MESP1: variants seen among roughly 807,000 people sequenced by gnomAD.
The protein encoded by MESP1 is mesoderm posterior bHLH transcription factor 1, also known as mesoderm posterior protein 1.
In MESP1, 22 loss-of-function variants were observed where a neutral mutation model predicts 15.2. That is an observed-to-expected ratio of 1.45 (90% CI 1.04 to 2.07). The LOEUF is 2.07. MESP1 is among the 30% of genes most tolerant of loss of function. The pLI is 0.00. For missense variants in MESP1, 484 were observed against 411.9 expected, an observed-to-expected ratio of 1.17 and a Z score of -1.51; for synonymous variants, 216 against 192.6, an observed-to-expected ratio of 1.12 and a Z score of -1.01.
chr15:89,742,310 G>A, the MESP1 span, among the ~76,000 whole-genome samples: 3 of 152,020 alleles, frequency 2.0e-5, no homozygotes, highest in Admixed American at 1.3e-4. Flanking sequence ...ACAAATCAAA[G>A]CTATGGTCAT....
chr15:89,735,538 A>G, the MESP1 span: 2 of 1,614,196 alleles, frequency 1.2e-6, no homozygotes, highest in African/African-American at 1.3e-5. Flanking sequence ...CCCCAGTCCC[A>G]GCCTTACCTG....
At chr15:89,734,986 CTCCTTCCT>C in the MESP1 span, among the ~76,000 whole-genome samples, 21 of 149,906 alleles carry the variant, frequency 1.4e-4, no homozygotes, top group African/African-American at 4.9e-4. Flanking sequence ...CCCTCCGTCC[CTCCTTCCT>C]TCCTTCCTTC....
chr15:89,738,359 G>GC, the MESP1 span: 1 of 1,187,084 alleles, frequency 8.4e-7, no homozygotes, highest in Non-Finnish European at 1.2e-6. Flanking sequence ...GGGCGTGGTG[G>GC]CTCACGCCTG....
chr15:89,742,658 T>A, the MESP1 span, among the ~76,000 whole-genome samples: 1 of 152,154 alleles, frequency 6.6e-6, no homozygotes, highest in African/African-American at 2.4e-5. Flanking sequence ...CTCAGCCTCC[T>A]GAGTAGCTGG....
At position 89,750,303 on chromosome 15, in the gene MESP1, C is replaced by T. The variant is rs542186294; in HGVS notation, c.724-76G>A. The T allele has an allele frequency of 3.6e-4, 569 of 1,582,820 alleles. 5 individuals are homozygous for T. In the African/African-American group the frequency reaches 7.1e-3, roughly 20 times the overall value. On this transcript the variant is annotated intron_variant, in intron 1 of 1. Coordinates refer to ENST00000300057, the MANE Select transcript of MESP1 (RefSeq NM_018670.4). Reference sequence around the variant, plus strand: ...CGGGTGTCCGCGCTCGTGGGCTCCACTCTCAGGGGGCCCCTAGCGAGGGGA... The same window carrying T: ...CGGGTGTCCGCGCTCGTGGGCTCCATTCTCAGGGGGCCCCTAGCGAGGGGA...
chr15:89,732,947 G>A, the MESP1 span: 3 of 1,521,150 alleles, frequency 2.0e-6, no homozygotes, highest in Non-Finnish European at 2.7e-6. Context: ...CAGCCCCTGT[G>A]CCCATGGCCT....
At chr15:89,740,905 C>T in the MESP1 span, among the ~76,000 whole-genome samples, 1 of 151,902 alleles carries the variant, frequency 6.6e-6, no homozygotes, top group Non-Finnish European at 1.5e-5. Flanking sequence ...TTTGGGAGGC[C>T]AAGGCGGGTG....
downstream of MESP1, among the ~76,000 whole-genome samples, chr15:89,745,757 CTG>C (rs1172717553): frequency 6.6e-6 from 1 of 151,674 alleles, no homozygotes; most frequent in Non-Finnish European, 1.5e-5. The surrounding 1 kb of genome is among the most constrained non-coding windows in gnomAD (Gnocchi z 4.8). Flanking sequence ...GAGCGAGACT[CTG>C]TGTCAAAAAA....
downstream of MESP1, among the ~76,000 whole-genome samples, chr15:89,746,822 AACACACAGCCCCGCCTCCAC>A (rs1309351505): frequency 3.7e-5 from 1 of 26,934 alleles, no homozygotes; most frequent in Non-Finnish European, 7.6e-5. Flanking sequence ...CACCTCCACA[AACACACAGCCCCGCCTCCAC>A]ACACACAGCC....
At chr15:89,747,841 G>C (rs1001476113), downstream of MESP1, among the ~76,000 whole-genome samples, 1 of 152,222 alleles carries the variant, frequency 6.6e-6, no homozygotes, top group Non-Finnish European at 1.5e-5. Context: ...ACTACCACCC[G>C]GCACGGGGCG....
the MESP1 span, chr15:89,733,352 T>G: frequency 1.2e-6 from 1 of 814,968 alleles, no homozygotes; most frequent in Non-Finnish European, 1.9e-6. Context: ...GGTGAGCTTC[T>G]GAAGATCACC....
chr15:89,743,443 C>G, the MESP1 span: 3 of 1,573,494 alleles, frequency 1.9e-6, no homozygotes, highest in Non-Finnish European at 2.6e-6. Context: ...CACGAGGCAG[C>G]TGCTCCCAGG....
chr15:89,750,518 TG>T lies in MESP1; in HGVS notation c.713del (p.Pro238HisfsTer41). On this transcript the variant is annotated frameshift_variant, in exon 1 of 2. Coordinates refer to ENST00000300057, the MANE Select transcript of MESP1 (RefSeq NM_018670.4). LOFTEE classifies it high-confidence loss of function. ...CPEGQAMEPSPPSPLLPGDVL... is the reference protein window; with the variant it reads ...CPEGQAMEPSXPSPLLPGDVL... ...GGAAGGGGACACTAACCGGGGACGG[TG>T]GGCTTGGCTCCATCGCCTGCCCTTC... 6.7e-7 allele frequency: 1 copy of T among 1,499,452 alleles called. No homozygotes were observed. The highest frequency in any genetic ancestry group is 8.8e-7 in the Non-Finnish European group (1 of 1,132,390). 92.9% of individuals were successfully genotyped at this position (1,499,452 alleles called of 1,614,324 possible).
At chr15:89,747,096 CCACATACA>C (rs1414764016), downstream of MESP1, among the ~76,000 whole-genome samples, 19 of 63,666 alleles carry the variant, frequency 3.0e-4, no homozygotes, top group Non-Finnish European at 5.2e-4. Flanking sequence ...AGCCCCACTG[CCACATACA>C]CACACACACA....
At chr15:89,736,505 T>C in the MESP1 span, among the ~76,000 whole-genome samples, 1 of 152,182 alleles carries the variant, frequency 6.6e-6, no homozygotes, top group Admixed American at 6.5e-5. Context: ...GAGGTTCCCA[T>C]GGGCACTACC....
the MESP1 span, chr15:89,737,524 A>T: frequency 2.5e-6 from 4 of 1,610,724 alleles, 1 homozygote; most frequent in South Asian, 3.3e-5. Flanking sequence ...CCTTCCTGTG[A>T]GGGACAGAGT....
At chr15:89,741,791 C>T in the MESP1 span, among the ~76,000 whole-genome samples, 3 of 151,170 alleles carry the variant, frequency 2.0e-5, no homozygotes, top group East Asian at 2.0e-4. Context: ...CTCGCTCTGT[C>T]GCCAGGCTGG....
At chr15:89,749,867 T>C (rs548854872), downstream of MESP1, 243 of 405,094 alleles carry the variant, frequency 6.0e-4, 1 homozygote, top group African/African-American at 4.5e-3. Flanking sequence ...GAAGAAGAAA[T>C]TGCCAACTGA....
chr15:89,734,266 G>T, the MESP1 span, among the ~76,000 whole-genome samples: 1 of 152,154 alleles, frequency 6.6e-6, no homozygotes, highest in Non-Finnish European at 1.5e-5. Flanking sequence ...AATTTGGACT[G>T]GACTCAGTCC....
Sources: allele counts gnomAD v4.1 joint callset (sites outside exome capture counted in the v4.1 genomes callset), GRCh38; gene constraint gnomAD v4.1.1; non-coding constraint Gnocchi (gnomAD v3.1); transcripts MANE v1.5; gene names NCBI Gene and HGNC (gene_info 2026-07-23, HGNC 2026-07-21).